Variants in CTNNA3 observed in about 807,000 individuals in gnomAD.
CTNNA3 encodes catenin alpha-3.
In CTNNA3, 76 loss-of-function variants were observed where a neutral mutation model predicts 95.7. The observed-to-expected ratio is 0.79, with a 90% CI of 0.66 to 0.96. CTNNA3 has a LOEUF of 0.96. CTNNA3 is among the 40% of genes least tolerant of loss of function. CTNNA3 has a pLI of 0.00. For missense variants in CTNNA3, 1,191 were observed against 1,089.8 expected (o/e 1.09, Z -1.31); for synonymous variants, 431 against 374.4 (o/e 1.15, Z -1.74).
In CTNNA3 at chr10:67,039,534, T is replaced by C. The variant is rs561206980; in HGVS notation, c.1047+140783A>G. Among the ~76,000 whole-genome samples, 3 of 152,284 alleles carry C rather than the reference T, an allele frequency of 2.0e-5. 1 individual carries two copies. The South Asian group carries it at 6.2e-4, about 32-fold the overall frequency. ...CTATGGGTGATGCATAATAATTTAT[T>C]AGGAGAGTTGTTGATACTTTTTTTG... On this transcript the variant is annotated intron_variant, in intron 7 of 17. Coordinates refer to ENST00000433211, the MANE Select transcript of CTNNA3 (RefSeq NM_013266.4).
chr10:67,559,811 A>G (rs1841421482), intron 3 of CTNNA3, among the ~76,000 whole-genome samples: 1 of 152,234 alleles, frequency 6.6e-6, no homozygotes, highest in South Asian at 2.1e-4. Flanking sequence ...TGGAGCTGAA[A>G]ACCAAGGTTC....
chr10:66,470,691 G>A (rs1201795311), intron 11 of CTNNA3, among the ~76,000 whole-genome samples: 7 of 151,772 alleles, frequency 4.6e-5, no homozygotes, highest in Non-Finnish European at 1.0e-4. Context: ...GGTAGAAGTA[G>A]GAAGAAAGCC....
chr10:66,445,237 C>T lies in CTNNA3; in HGVS notation c.1532-65885G>A, dbSNP rs187673872. Among the ~76,000 whole-genome samples the T allele has an allele frequency of 8.3e-3, 1,258 of 151,938 alleles. 8 individuals are homozygous for T. Among genetic ancestry groups the T allele is most frequent in the Non-Finnish European group, 0.014 (942 of 67,986 alleles). On this transcript the variant is annotated intron_variant, in intron 11 of 17. Coordinates refer to ENST00000433211, the MANE Select transcript of CTNNA3 (RefSeq NM_013266.4). ...CAATAATAATGGGAGACATTAACAC[C>T]CCACTGTCAACATTAGACAGATTAA...
At chr10:66,417,371 G>A (rs563600373) in intron 11 of CTNNA3, among the ~76,000 whole-genome samples, 33 of 151,894 alleles carry the variant, frequency 2.2e-4, no homozygotes, top group Admixed American at 4.6e-4. Flanking sequence ...TGGAACACCC[G>A]GATTCATAAA....
chr10:67,008,834 C>T (rs1224042659), intron 7 of CTNNA3, among the ~76,000 whole-genome samples: 1 of 152,036 alleles, frequency 6.6e-6, no homozygotes, highest in African/African-American at 2.4e-5. Context: ...CTTTGTTTAC[C>T]TTATTGTTTT....
intron 6 of CTNNA3, among the ~76,000 whole-genome samples, chr10:67,215,078 T>C (rs74142437): frequency 0.042 from 6,364 of 152,120 alleles, 167 homozygotes; most frequent in South Asian, 0.088. Flanking sequence ...GTATCTTAAC[T>C]GCTTTTCAAA....
chr10:67,622,293 A>C (rs1295090795), intron 2 of CTNNA3, among the ~76,000 whole-genome samples: 2 of 152,206 alleles, frequency 1.3e-5, no homozygotes, highest in African/African-American at 2.4e-5. Flanking sequence ...CTGCCCACAC[A>C]ATCAGTTTAT....
intron 11 of CTNNA3, among the ~76,000 whole-genome samples, chr10:66,442,896 C>G (rs1383999388): frequency 6.6e-6 from 1 of 152,180 alleles, no homozygotes; most frequent in African/African-American, 2.4e-5. Flanking sequence ...TCAGGGGGTT[C>G]CCTTTCCTAG....
chr10:67,522,830 G>C (rs1324785634), intron 4 of CTNNA3, among the ~76,000 whole-genome samples: 1 of 152,084 alleles, frequency 6.6e-6, no homozygotes. Flanking sequence ...GATTGAAAAT[G>C]TCAAGTAATG....
intron 11 of CTNNA3, among the ~76,000 whole-genome samples, chr10:66,504,445 T>C (rs1485620530): frequency 6.6e-6 from 1 of 152,132 alleles, no homozygotes; most frequent in East Asian, 1.9e-4. Flanking sequence ...GATACATGAT[T>C]CCTGTTTTCA....
At chr10:66,178,972 C>A (rs2085887264) in intron 13 of CTNNA3, among the ~76,000 whole-genome samples, 1 of 151,914 alleles carries the variant, frequency 6.6e-6, no homozygotes, top group East Asian at 1.9e-4. Flanking sequence ...AATGACACAA[C>A]CACCCTGGAA....
intron 5 of CTNNA3, among the ~76,000 whole-genome samples, chr10:67,383,571 T>C (rs572732662): frequency 9.8e-5 from 15 of 152,326 alleles, no homozygotes; most frequent in African/African-American, 3.4e-4. Context: ...ACTTAAAATG[T>C]AGTGTAGACT....
At chr10:66,156,017 T>G (rs1304678031) in intron 13 of CTNNA3, among the ~76,000 whole-genome samples, 2 of 151,972 alleles carry the variant, frequency 1.3e-5, no homozygotes, top group Non-Finnish European at 2.9e-5. Context: ...TAGTATATTT[T>G]AAGAAGACTT....
At chr10:67,117,567 G>A (rs924857723) in intron 7 of CTNNA3, among the ~76,000 whole-genome samples, 5 of 151,964 alleles carry the variant, frequency 3.3e-5, no homozygotes, top group Non-Finnish European at 5.9e-5. Flanking sequence ...TAAACAAGTC[G>A]AATTTCAGAA....
intron 10 of CTNNA3, among the ~76,000 whole-genome samples, chr10:66,545,146 C>T (rs1451448388): frequency 6.6e-6 from 1 of 151,928 alleles, no homozygotes; most frequent in Non-Finnish European, 1.5e-5. Context: ...AATTAAAAGT[C>T]TATAAAACAG....
chr10:67,263,180 C>A (rs1270742159), intron 5 of CTNNA3, among the ~76,000 whole-genome samples: 1 of 152,142 alleles, frequency 6.6e-6, no homozygotes, highest in Non-Finnish European at 1.5e-5. Context: ...TGGTACCTTT[C>A]TTTTACAAAT....
intron 9 of CTNNA3, among the ~76,000 whole-genome samples, chr10:66,669,655 C>T (rs1409045548): frequency 6.6e-6 from 1 of 152,148 alleles, no homozygotes; most frequent in Non-Finnish European, 1.5e-5. Context: ...TAGCTGTTTT[C>T]AGTTAAGGAA....
At chr10:66,965,534 A>C (rs550459043) in intron 7 of CTNNA3, among the ~76,000 whole-genome samples, 1 of 147,516 alleles carries the variant, frequency 6.8e-6, no homozygotes, top group Non-Finnish European at 1.5e-5. Context: ...ACTCCGTCTC[A>C]AAAAAGAAAG....
At chr10:67,247,270 G>A (rs552354393) in intron 5 of CTNNA3, among the ~76,000 whole-genome samples, 18 of 152,234 alleles carry the variant, frequency 1.2e-4, no homozygotes, top group African/African-American at 3.9e-4. Context: ...TACACTCCCC[G>A]CTGAAAACAG....
Sources: allele counts gnomAD v4.1 joint callset (sites outside exome capture counted in the v4.1 genomes callset), GRCh38; gene constraint gnomAD v4.1.1; transcripts MANE v1.5; gene names NCBI Gene and HGNC (gene_info 2026-07-23, HGNC 2026-07-21).